The following CAPN3 variants were observed in gnomAD, a reference collection of about 807,000 sequenced individuals.
CAPN3 encodes the protein calpain 3, also known as calpain-3.
In CAPN3, 88 loss-of-function variants were observed where a neutral mutation model predicts 114.0. The ratio of observed to expected loss-of-function variants is 0.77; its 90% CI spans 0.65 to 0.92. The LOEUF is 0.92. Among genes scored for constraint, CAPN3 ranks in the 40% least tolerant of loss-of-function variants. The pLI is 0.00. For synonymous variants in CAPN3, 386 were observed against 382.9 expected (o/e 1.01, Z -0.09); for missense variants, 1,028 against 1,069.0 (o/e 0.96, Z 0.53).
chr15:42,390,123 T>G (rs1212201373), intron 6 of CAPN3, 27 bp downstream of exon 6: 1 of 1,613,860 alleles, frequency 6.2e-7, no homozygotes, highest in East Asian at 2.2e-5. Context: ...TTATCAGAAC[T>G]GACCATCCCT....
chr15:42,401,475 C>T (rs74919029), intron 10 of CAPN3, among the ~76,000 whole-genome samples, 166 bp from the exon 11 acceptor site: 1,597 of 30,632 alleles, frequency 0.052, 29 homozygotes, highest in Non-Finnish European at 0.071. Flanking sequence ...AAGGTAGCGC[C>T]CCCCCCCCCC....
chr15:42,363,449 G>A (rs1248537834), intron 1 of CAPN3, among the ~76,000 whole-genome samples: 2 of 152,162 alleles, frequency 1.3e-5, no homozygotes, highest in African/African-American at 4.8e-5. Flanking sequence ...ATTCCATGGG[G>A]TGGAAGGTTC....
intron 1 of CAPN3, among the ~76,000 whole-genome samples, chr15:42,373,414 T>C (rs1201756322): frequency 1.3e-5 from 2 of 152,198 alleles, no homozygotes; most frequent in Non-Finnish European, 2.9e-5. Flanking sequence ...ACAAAGGCCA[T>C]CAGGCATTCA....
intron 1 of CAPN3, among the ~76,000 whole-genome samples, chr15:42,375,962 T>C (rs559344784): frequency 1.2e-4 from 19 of 152,334 alleles, no homozygotes; most frequent in Non-Finnish European, 1.5e-4. Flanking sequence ...CCTTCTCTGG[T>C]GTTTTATGAC....
Position 42,386,168 on chromosome 15 carries a change from G to A in CAPN3, c.381G>A (p.Gly127=). Residue 127 remains glycine, a splice_region_variant and synonymous_variant, in exon 3 of 24, where the codon GGG becomes GGA. Coordinates refer to ENST00000397163, the MANE Select transcript of CAPN3 (RefSeq NM_000070.3). The stretch of plus-strand genomic sequence containing the variant: ...TCTGTGCCCTGTGTCTGCCTGCAGG[G>A]GACTGCTGGTTTCTCGCAGCCATTG... ...NRTDICQGEL[G]DCWFLAAIAC... The A allele has an allele frequency of 6.2e-7, 1 of 1,608,552 alleles. No homozygotes were observed. Among genetic ancestry groups the A allele is most frequent in the Middle Eastern group, 1.7e-4 (1 of 6,052 alleles).
chr15:42,371,157 C>T (rs887413827), intron 1 of CAPN3, among the ~76,000 whole-genome samples: 12 of 152,064 alleles, frequency 7.9e-5, no homozygotes, highest in Non-Finnish European at 1.8e-4. Context: ...GAGAGCCAGC[C>T]TTCTGTCTAC....
intron 1 of CAPN3, among the ~76,000 whole-genome samples, chr15:42,380,752 T>TATATATATATATA (rs1491298329): frequency 1.1e-4 from 4 of 37,804 alleles, no homozygotes; most frequent in South Asian, 8.9e-4. Context: ...TATATATATA[T>TATATATATATATA]TTTTTTTTTT....
At position 42,409,291 on chromosome 15, in the gene CAPN3, G is replaced by A. The variant is rs573815612; in HGVS notation, c.1915-12G>A. On this transcript the variant is annotated splice_polypyrimidine_tract_variant and intron_variant, in intron 16 of 23. Transcript: ENST00000397163. ...GACCCCTGTGAACCAGTTTTCCTTT[G>A]TGCCTCCACAGCCACAGCCTGGCAG... 146 of 1,613,320 alleles carry A rather than the reference G, an allele frequency of 9.0e-5. 2 individuals are homozygous for A. In the South Asian group the frequency reaches 1.6e-3, roughly 17 times the overall value.
chr15:42,410,735 G>T, intron 21 of CAPN3, 69 bp downstream of exon 21: 1 of 1,387,046 alleles, frequency 7.2e-7, no homozygotes, highest in South Asian at 1.2e-5. Context: ...GAGGGGACTA[G>T]GCTACTAGGG....
At chr15:42,383,908 G>A (rs755638313) in intron 1 of CAPN3, among the ~76,000 whole-genome samples, 45 of 151,966 alleles carry the variant, frequency 3.0e-4, no homozygotes, top group Non-Finnish European at 5.6e-4. Flanking sequence ...ATCCTTACTC[G>A]AATAGTATGA....
At chr15:42,406,297 G>A (rs1017965683) in intron 15 of CAPN3, among the ~76,000 whole-genome samples, 2 of 152,052 alleles carry the variant, frequency 1.3e-5, no homozygotes, top group Admixed American at 6.5e-5. Context: ...CCAGTACTTA[G>A]AGCCAGGCAG....
At chr15:42,385,103 T>C (rs2053359998) in intron 2 of CAPN3, among the ~76,000 whole-genome samples, 1 of 152,226 alleles carries the variant, frequency 6.6e-6, no homozygotes, top group Non-Finnish European at 1.5e-5. Context: ...GATCTTCCTC[T>C]CTCTCGACCT....
intron 14 of CAPN3, chr15:42,404,509 G>C: frequency 2.2e-6 from 1 of 453,132 alleles, no homozygotes. Context: ...TCAGTAAGTG[G>C]CAGGGTTGGA....
chr15:42,392,757 C>T, intron 7 of CAPN3, 35 bp downstream of exon 7: 1 of 1,563,800 alleles, frequency 6.4e-7, no homozygotes, highest in Non-Finnish European at 8.8e-7. Context: ...GCAAGGGCAC[C>T]CTCCTGGGTT....
chr15:42,401,472 C>CGG (rs2053860124), intron 10 of CAPN3, among the ~76,000 whole-genome samples, 169 bp from the exon 11 acceptor site: 2 of 74,436 alleles, frequency 2.7e-5, no homozygotes, highest in African/African-American at 1.4e-4. Flanking sequence ...ATAAAGGTAG[C>CGG]GCCCCCCCCC....
At chr15:42,392,487 G>T in intron 6 of CAPN3, 152 bp from the exon 7 acceptor site, 1 of 662,982 alleles carries the variant, frequency 1.5e-6, no homozygotes. Context: ...GGCCACTGAA[G>T]GTCCGTTCGT....
At chr15:42,409,227 T>A in intron 16 of CAPN3, 76 bp from the exon 17 acceptor site, 1 of 1,448,328 alleles carries the variant, frequency 6.9e-7, no homozygotes, top group South Asian at 1.2e-5. Flanking sequence ...TTGGCTCCCT[T>A]GGCCCAGAGG....
chr15:42,371,297 G>T (rs1460005148), intron 1 of CAPN3, among the ~76,000 whole-genome samples: 1 of 152,138 alleles, frequency 6.6e-6, no homozygotes, highest in Non-Finnish European at 1.5e-5. Context: ...CAAGACAGCA[G>T]CTCCTCCTGG....
intron 9 of CAPN3, among the ~76,000 whole-genome samples, chr15:42,398,946 A>ACCTG: frequency 6.6e-6 from 1 of 151,742 alleles, no homozygotes. Flanking sequence ...CATAATGCTC[A>ACCTG]GCTAATTTTT....
Sources: gnomAD v4.1 joint callset for allele counts (sites outside exome capture counted in the v4.1 genomes callset) on GRCh38, gnomAD v4.1.1 for gene constraint, MANE v1.5 for transcripts, NCBI Gene and HGNC (gene_info 2026-07-23, HGNC 2026-07-21) for gene names.